Variants in GPHN observed in about 807,000 individuals in gnomAD.
GPHN encodes gephyrin.
A neutral mutation model predicts 95.5 loss-of-function variants in GPHN; 17 were observed. The observed-to-expected ratio is 0.18, with a 90% confidence interval of 0.12 to 0.27. The LOEUF (loss-of-function observed/expected upper bound fraction) is 0.27. Among genes scored for constraint, GPHN ranks in the 10% least tolerant of loss-of-function variants. GPHN has a pLI of 1.00. For synonymous variants in GPHN, 320 were observed against 322.5 expected (o/e 0.99, Z 0.08); for missense variants, 660 against 978.1 (o/e 0.67, Z 4.34).
chr14:66,832,077 G>A (rs1472180783), intron 4 of GPHN, among the ~76,000 whole-genome samples: 1 of 152,170 alleles, frequency 6.6e-6, no homozygotes, highest in Non-Finnish European at 1.5e-5. Flanking sequence ...AACCCAGGAG[G>A]CGGAAGTTGC....
chr14:67,485,284 C>G, the GPHN span, among the ~76,000 whole-genome samples: 43 of 152,326 alleles, frequency 2.8e-4, no homozygotes, highest in East Asian at 7.5e-3. Flanking sequence ...TCCCCTCCTA[C>G]AGTCTAGGCT....
chr14:67,286,855 C>CAAAAA, the GPHN span, among the ~76,000 whole-genome samples: 5 of 67,206 alleles, frequency 7.4e-5, no homozygotes, highest in East Asian at 1.3e-3. Flanking sequence ...GACCTGGTCT[C>CAAAAA]AAAAAAAAAA....
intron 9 of GPHN, chr14:66,996,047 G>A: frequency 1.7e-6 from 1 of 585,338 alleles, no homozygotes; most frequent in East Asian, 3.0e-5. Flanking sequence ...AAACTCAAGT[G>A]TCTGCTTATA....
At chr14:67,695,819 T>C in the GPHN span, 22 of 949,206 alleles carry the variant, frequency 2.3e-5, 1 homozygote, top group Non-Finnish European at 3.4e-5. Context: ...GCAGACCTTC[T>C]GGGAAATGTA....
At chr14:67,375,729 A>G in the GPHN span, among the ~76,000 whole-genome samples, 1 of 152,170 alleles carries the variant, frequency 6.6e-6, no homozygotes, top group Non-Finnish European at 1.5e-5. Context: ...CTAGGACCTT[A>G]CCACTTAGAA....
At chr14:67,527,651 A>C in the GPHN span, among the ~76,000 whole-genome samples, 1 of 152,168 alleles carries the variant, frequency 6.6e-6, no homozygotes, top group Non-Finnish European at 1.5e-5. Context: ...ATAAACCAAC[A>C]ATGTGTTTTG....
chr14:67,429,623 C>G, the GPHN span, among the ~76,000 whole-genome samples: 2 of 151,998 alleles, frequency 1.3e-5, no homozygotes, highest in South Asian at 2.1e-4. Flanking sequence ...GTAATCCCAG[C>G]TACTCAGGAG....
At chr14:67,627,217 T>C in the GPHN span, among the ~76,000 whole-genome samples, 1 of 148,326 alleles carries the variant, frequency 6.7e-6, no homozygotes, top group African/African-American at 2.5e-5. Context: ...GAATTATATC[T>C]CAATAATTAA....
chr14:66,950,597 G>A (rs187141154), intron 8 of GPHN, among the ~76,000 whole-genome samples: 3 of 152,120 alleles, frequency 2.0e-5, no homozygotes, highest in Admixed American at 1.3e-4. Context: ...ATCTATGTAC[G>A]AGACACTGTA....
chr14:66,788,667 GTT>G (rs1048377049), intron 3 of GPHN, among the ~76,000 whole-genome samples: 1 of 151,922 alleles, frequency 6.6e-6, no homozygotes, highest in African/African-American at 2.4e-5. Context: ...TTTTGTTTAT[GTT>G]TTTTTGAGAC....
At chr14:67,591,835 A>T in the GPHN span, 1 of 151,470 alleles carries the variant, frequency 6.6e-6, no homozygotes, top group Non-Finnish European at 1.5e-5. Flanking sequence ...GCACCAGCTG[A>T]TAAGTGTTTT....
intron 1 of GPHN, among the ~76,000 whole-genome samples, chr14:66,564,856 T>C (rs1237135845): frequency 6.6e-6 from 1 of 152,136 alleles, no homozygotes; most frequent in Admixed American, 6.6e-5. Context: ...AATAATATTA[T>C]CATTAAGCCT....
chr14:67,064,066 G>A (rs113438344), intron 11 of GPHN, among the ~76,000 whole-genome samples: 4,128 of 152,192 alleles, frequency 0.027, 63 homozygotes, highest in Middle Eastern at 0.034. Flanking sequence ...ATTGGCTGTG[G>A]GTTTGTCATA....
the GPHN span, chr14:67,227,488 A>G: frequency 1.3e-5 from 2 of 151,734 alleles, no homozygotes; most frequent in African/African-American, 4.8e-5. Context: ...CCAAATCCTT[A>G]TATTTTGAAT....
Position 66,808,456 on chromosome 14 carries a change from G to C in GPHN, c.202-16018G>C, listed in dbSNP as rs2060635585. On this transcript the variant is annotated intron_variant, in intron 3 of 22. Coordinates refer to ENST00000478722, the MANE Select transcript of GPHN (RefSeq NM_020806.5). ...ATGATCTTGAAGGAGTTCAGTGTCA[G>C]CTACAAGAGATAATCATTGTAAAAC... Among the ~76,000 whole-genome samples, 3 of 152,206 alleles carry C rather than the reference G, an allele frequency of 2.0e-5. No individual in the cohort carries two copies. The South Asian group carries it at 6.2e-4, about 31-fold the overall frequency.
chr14:66,839,224 C>T (rs937370330), intron 4 of GPHN, among the ~76,000 whole-genome samples: 5 of 152,144 alleles, frequency 3.3e-5, no homozygotes, highest in African/African-American at 4.8e-5. Context: ...ACTGAATGAA[C>T]GAGACCGAAG....
At chr14:66,786,492 A>T (rs2059780044) in intron 3 of GPHN, among the ~76,000 whole-genome samples, 1 of 152,066 alleles carries the variant, frequency 6.6e-6, no homozygotes, top group Non-Finnish European at 1.5e-5. Context: ...GTTTTAGTCA[A>T]TCTCCTCCAA....
intron 2 of GPHN, among the ~76,000 whole-genome samples, chr14:66,717,780 T>C (rs2070326197): frequency 6.6e-6 from 1 of 152,178 alleles, no homozygotes; most frequent in Admixed American, 6.5e-5. Flanking sequence ...TCTCTCTTCT[T>C]GGTCTAGCCA....
At chr14:67,014,515 C>T (rs1188641381) in intron 9 of GPHN, among the ~76,000 whole-genome samples, 1 of 151,960 alleles carries the variant, frequency 6.6e-6, no homozygotes, top group East Asian at 1.9e-4. Context: ...AGCAAAGAAG[C>T]AATGAAAATT....
Sources: gnomAD v4.1 joint callset for allele counts (sites outside exome capture counted in the v4.1 genomes callset) on GRCh38, gnomAD v4.1.1 for gene constraint, MANE v1.5 for transcripts, NCBI Gene and HGNC (gene_info 2026-07-23, HGNC 2026-07-21) for gene names.